The following KIF26B variants were observed in gnomAD, a reference collection of about 807,000 sequenced individuals.
The protein encoded by KIF26B is kinesin family member 26B.
In KIF26B, 63 loss-of-function variants were observed where a neutral mutation model predicts 151.2. The ratio of observed to expected loss-of-function variants is 0.42; its 90% CI spans 0.34 to 0.51. KIF26B has a LOEUF of 0.51. Ranked by LOEUF, KIF26B falls within the 20% of genes least tolerant of loss-of-function variation. The pLI, the probability that KIF26B is intolerant of heterozygous loss-of-function variation, is 0.07. For synonymous variants in KIF26B, 1,357 were observed against 1,262.1 expected (o/e 1.08, Z -1.59); for missense variants, 2,813 against 2,913.6 (o/e 0.97, Z 0.79).
chr1:245,332,351 G>A (rs951137207), intron 2 of KIF26B, among the ~76,000 whole-genome samples: 1 of 152,188 alleles, frequency 6.6e-6, no homozygotes, highest in African/African-American at 2.4e-5. Flanking sequence ...GCAGGTGAGA[G>A]GTGGGTATAG....
chr1:245,502,705 T>C (rs1660647899), intron 4 of KIF26B, among the ~76,000 whole-genome samples: 1 of 152,066 alleles, frequency 6.6e-6, no homozygotes, highest in African/African-American at 2.4e-5. Context: ...ATGATTATAA[T>C]ATTATCTAAG....
chr1:245,465,656 G>A (rs1196714624), intron 4 of KIF26B, among the ~76,000 whole-genome samples: 1 of 152,192 alleles, frequency 6.6e-6, no homozygotes, highest in South Asian at 2.1e-4. Flanking sequence ...GGCAGAAAGC[G>A]GATGGCGCGC....
intron 2 of KIF26B, among the ~76,000 whole-genome samples, chr1:245,172,027 A>G (rs1668719054): frequency 6.6e-6 from 1 of 152,176 alleles, no homozygotes; most frequent in South Asian, 2.1e-4. Flanking sequence ...TCCAGGGTTC[A>G]TTCCATCTCA....
chr1:245,423,907 C>T (rs941956672), intron 4 of KIF26B, among the ~76,000 whole-genome samples: 1 of 152,082 alleles, frequency 6.6e-6, no homozygotes, highest in African/African-American at 2.4e-5. Context: ...GACGTAATCA[C>T]AGCTCACTGC....
intron 3 of KIF26B, among the ~76,000 whole-genome samples, chr1:245,411,018 G>A (rs914979427): frequency 1.3e-5 from 2 of 152,156 alleles, no homozygotes; most frequent in Non-Finnish European, 2.9e-5. Context: ...GATGAGATAG[G>A]TCAGAGAAAA....
chr1:245,639,409 AAAAC>A (rs1399098610), intron 9 of KIF26B, among the ~76,000 whole-genome samples: 2 of 151,802 alleles, frequency 1.3e-5, no homozygotes, highest in African/African-American at 4.8e-5. Context: ...GCTTTTCAAA[AAAAC>A]AAACTTTTTA....
At position 245,642,741 on chromosome 1, in the gene KIF26B, G is replaced by A. The variant is rs115706892; in HGVS notation, c.2099-3380G>A. On this transcript the variant is annotated intron_variant, in intron 9 of 14. Transcript: ENST00000407071. ...ATCTGCTGTGAGACAGATACTGAAG[G>A]GGTCAGTCTCAGCTCAGAGGGGTGT... Among the ~76,000 whole-genome samples, 947 of 152,114 alleles carry A rather than the reference G, an allele frequency of 6.2e-3. 11 individuals are homozygous for A. The highest frequency in any genetic ancestry group is 0.022 in the African/African-American group (897 of 41,488).
At chr1:245,543,964 A>G (rs946697469) in intron 5 of KIF26B, among the ~76,000 whole-genome samples, 1 of 152,060 alleles carries the variant, frequency 6.6e-6, no homozygotes, top group Non-Finnish European at 1.5e-5. Context: ...AAAGAAAAAG[A>G]AAAAGAAAAA....
chr1:245,329,879 C>G (rs1277267009), intron 2 of KIF26B, among the ~76,000 whole-genome samples: 1 of 152,200 alleles, frequency 6.6e-6, no homozygotes, highest in African/African-American at 2.4e-5. Context: ...GTGGCACAAT[C>G]ACTGTTCACT....
intron 4 of KIF26B, among the ~76,000 whole-genome samples, chr1:245,490,755 T>C (rs1334354914): frequency 6.6e-6 from 1 of 152,232 alleles, no homozygotes; most frequent in Non-Finnish European, 1.5e-5. Context: ...GGATTTGTTT[T>C]CTTCCTCAAT....
intron 2 of KIF26B, among the ~76,000 whole-genome samples, chr1:245,202,614 G>A (rs1283484155): frequency 6.6e-6 from 1 of 152,088 alleles, no homozygotes; most frequent in Non-Finnish European, 1.5e-5. Flanking sequence ...CAAAAAATTA[G>A]CCGGACGTGG....
intron 3 of KIF26B, among the ~76,000 whole-genome samples, chr1:245,370,109 T>C (rs942457318): frequency 4.6e-5 from 7 of 152,188 alleles, no homozygotes; most frequent in Non-Finnish European, 1.0e-4. Context: ...TAAAAGTCGA[T>C]GTCACCCGGA....
chr1:245,304,996 A>G (rs1310734994), intron 2 of KIF26B, among the ~76,000 whole-genome samples: 1 of 152,222 alleles, frequency 6.6e-6, no homozygotes, highest in Non-Finnish European at 1.5e-5. Flanking sequence ...GTCCAGCACC[A>G]GAAGTGTGGG....
chr1:245,275,619 C>G (rs1813533), intron 2 of KIF26B, among the ~76,000 whole-genome samples: 68,489 of 151,974 alleles, frequency 0.45, 16,176 homozygotes, highest in East Asian at 0.59. Context: ...TGTCAGGTTT[C>G]TCAAAAGATC....
intron 10 of KIF26B, among the ~76,000 whole-genome samples, chr1:245,660,786 T>C (rs1219168843): frequency 6.6e-6 from 1 of 152,186 alleles, no homozygotes; most frequent in Non-Finnish European, 1.5e-5. Flanking sequence ...ATTTTCACTA[T>C]CATTCACTCA....
chr1:245,615,752 G>C (rs1020071544), intron 9 of KIF26B, among the ~76,000 whole-genome samples: 2 of 152,198 alleles, frequency 1.3e-5, no homozygotes, highest in Non-Finnish European at 2.9e-5. Context: ...TCGTGCGATC[G>C]GCAGACCTGG....
Position 245,495,799 on chromosome 1 carries a change from A to G in KIF26B, c.1167-44968A>G, listed in dbSNP as rs566520808. 9.8e-5 allele frequency among the ~76,000 whole-genome samples: 15 copies of G among 152,340 alleles called. No individual in the cohort carries two copies. Among genetic ancestry groups the G allele is most frequent in the Admixed American group, 9.2e-4 (14 of 15,298 alleles). The stretch of plus-strand genomic sequence containing the variant: ...AGTAAAACTGTTGAAAACAAAAGCC[A>G]AGGAGAAAAATGATTAAAGCCGTGA... On this transcript the variant is annotated intron_variant, in intron 4 of 14. Transcript: ENST00000407071. This position sits in a 1 kb window ranked among gnomAD's most constrained non-coding sequence, Gnocchi z 4.2.
chr1:245,308,357 C>A (rs1184715055), intron 2 of KIF26B, among the ~76,000 whole-genome samples: 1 of 152,156 alleles, frequency 6.6e-6, no homozygotes, highest in African/African-American at 2.4e-5. Context: ...ATCAGGCCAA[C>A]TGAATAGCAG....
chr1:245,427,345 C>T (rs1658671912), intron 4 of KIF26B, among the ~76,000 whole-genome samples: 3 of 152,240 alleles, frequency 2.0e-5, no homozygotes, highest in Non-Finnish European at 4.4e-5. Context: ...TGGTGGCTCA[C>T]ACCTGTAATC....
Sources: gnomAD v4.1 joint callset for allele counts (sites outside exome capture counted in the v4.1 genomes callset) on GRCh38, gnomAD v4.1.1 for gene constraint, Gnocchi (gnomAD v3.1) non-coding constraint, MANE v1.5 for transcripts, NCBI Gene and HGNC (gene_info 2026-07-23, HGNC 2026-07-21) for gene names.